TECTA: variants seen among roughly 807,000 people sequenced by gnomAD.
TECTA encodes the protein alpha-tectorin.
TECTA carries 128 observed loss-of-function variants against 216.8 expected under a neutral mutation model. The ratio of observed to expected loss-of-function variants is 0.59; its 90% CI spans 0.51 to 0.68. TECTA has a LOEUF of 0.68. Among genes scored for constraint, TECTA ranks in the 30% least tolerant of loss-of-function variants. The pLI is 0.00. For missense variants in TECTA, 2,551 were observed against 2,786.2 expected, an observed-to-expected ratio of 0.92 and a Z score of 1.90; for synonymous variants, 1,089 against 1,117.1, an observed-to-expected ratio of 0.97 and a Z score of 0.50.
intron 20 of TECTA, among the ~76,000 whole-genome samples, chr11:121,186,689 T>A (rs550329859): frequency 1.5e-4 from 23 of 152,270 alleles, no homozygotes; most frequent in Non-Finnish European, 2.9e-4. Context: ...GCATTTTGCC[T>A]AGAAGGCTAA....
chr11:121,109,339 C>T lies in TECTA; in HGVS notation c.327C>T (p.Gly109=), dbSNP rs727504830. ...CAGATGTGCACAATGGAATTCGAGGCGAGATCTATTACAGAGAGACCATGG... is the reference window on the plus strand; with the variant it reads ...CAGATGTGCACAATGGAATTCGAGGTGAGATCTATTACAGAGAGACCATGG... ...FWADVHNGIR[G]EIYYRETMEP... The change falls in exon 4 of 24, where the codon GGC becomes GGT. Residue 109 remains glycine (G), a synonymous_variant. Transcript: ENST00000392793. 61 of 1,613,988 alleles carry T rather than the reference C, an allele frequency of 3.8e-5. No homozygotes were observed. In the Admixed American group the frequency reaches 7.5e-4, roughly 20 times the overall value.
chr11:121,182,887 C>T lies in TECTA; in HGVS notation c.6000-4945C>T, dbSNP rs146191846. Among the ~76,000 whole-genome samples, 983 of 152,236 alleles carry T rather than the reference C, an allele frequency of 6.5e-3. 12 individuals carry two copies. The highest frequency in any genetic ancestry group is 0.023 in the African/African-American group (936 of 41,536). On this transcript the variant is annotated intron_variant, in intron 20 of 23. Coordinates refer to ENST00000392793, the MANE Select transcript of TECTA (RefSeq NM_005422.4). ...TGGGTGGGGCAGGCCTGTCCTCAGG[C>T]CCCATGACAGCACCTGGTGGGCTGA...
At chr11:121,155,319 T>G (rs1293742017) in intron 13 of TECTA, among the ~76,000 whole-genome samples, 1 of 152,200 alleles carries the variant, frequency 6.6e-6, no homozygotes, top group African/African-American at 2.4e-5. Context: ...AAGTTATTTT[T>G]CTCTTTTCAC....
At chr11:121,119,007 AC>A (rs1462502940) in intron 7 of TECTA, among the ~76,000 whole-genome samples, 2 of 92,846 alleles carry the variant, frequency 2.2e-5, no homozygotes, top group African/African-American at 5.5e-5. Context: ...ACACACACAC[AC>A]ACACACACAC....
chr11:121,113,126 T>C lies in TECTA; in HGVS notation c.541T>C (p.Phe181Leu). The change falls in exon 5 of 24, where the codon TTC becomes CTC. Residue 181 changes from phenylalanine to leucine, a missense_variant. Physicochemically the swap from Phe to Leu is conservative, Grantham distance 22. This residue lies in a region of TECTA where 2,375 missense variants were observed against 2,563.9 expected (regional missense o/e 0.93). Coordinates refer to ENST00000392793, the MANE Select transcript of TECTA (RefSeq NM_005422.4). The surrounding 1 kb of genome is among the most constrained non-coding windows in gnomAD (Gnocchi z 4.2). ...VSDGSYTFTL[F>L]NYYEINWTTG... is the part of the protein sequence containing the mutation. ...CGATGGCTCCTATACATTCACCCTC[T>C]TCAATTATTACGAAATCAACTGGAC... 1 of 1,614,066 alleles carries C rather than the reference T, an allele frequency of 6.2e-7. No homozygotes were observed. Among genetic ancestry groups the C allele is most frequent in the South Asian group, 1.1e-5 (1 of 91,064 alleles).
chr11:121,128,286 G>T lies in TECTA; in HGVS notation c.2309G>T (p.Arg770Leu). The change falls in exon 9 of 24, where the codon CGG becomes CTG. Residue 770 changes from arginine to leucine, a missense_variant. Coordinates refer to ENST00000392793, the MANE Select transcript of TECTA (RefSeq NM_005422.4). The stretch of plus-strand genomic sequence containing the variant: ...GGACCTGCTTGGCTGCGGGGACTTC[G>T]GATCCTGGTGGCCGACCAGGAGGTC... ...DAGPAWLRGL[R>L]ILVADQEVKI... 1 of 1,599,772 alleles carries T rather than the reference G, an allele frequency of 6.3e-7. No homozygotes were observed.
At chr11:121,124,745 A>G (rs1309357839) in intron 7 of TECTA, among the ~76,000 whole-genome samples, 1 of 152,174 alleles carries the variant, frequency 6.6e-6, no homozygotes, top group Non-Finnish European at 1.5e-5. Flanking sequence ...GAATGGTTAC[A>G]TGACGTAGTT....
At position 121,158,188 on chromosome 11, in the gene TECTA, A is replaced by C; in HGVS notation, c.4653A>C (p.Glu1551Asp). Residue 1551 changes from glutamate to aspartate, a missense_variant, in exon 14 of 24, where the codon GAA (glutamate) becomes GAC (aspartate). This residue lies in a region of TECTA where 2,375 missense variants were observed against 2,563.9 expected (regional missense o/e 0.93). Transcript: ENST00000392793. ...CGCCCGTCTACTTCTACATTAACGA[A>C]GAGCAGATTCTCATCAACGACCGGA... ...IISPVYFYIN[E>D]EQILINDRNT... The C allele has an allele frequency of 6.2e-7, 1 of 1,613,890 alleles. No individual in the cohort carries two copies. Among genetic ancestry groups the C allele is most frequent in the Non-Finnish European group, 8.5e-7 (1 of 1,180,024 alleles).
chr11:121,167,431 A>AAAAAC (rs900450689), intron 18 of TECTA, among the ~76,000 whole-genome samples: 18 of 152,320 alleles, frequency 1.2e-4, no homozygotes, highest in Non-Finnish European at 2.4e-4. Flanking sequence ...CCCTGTTGCT[A>AAAAAC]AAAACAAAAC....
intron 10 of TECTA, among the ~76,000 whole-genome samples, chr11:121,134,490 TC>T (rs1423040768): frequency 6.6e-6 from 1 of 152,108 alleles, no homozygotes; most frequent in Non-Finnish European, 1.5e-5. Flanking sequence ...ATGCTGGGAC[TC>T]CAGAGCTACC....
In TECTA at chr11:121,162,069, G is replaced by T; in HGVS notation, c.4977-6G>T. 6.2e-7 allele frequency: 1 copy of T among 1,613,794 alleles called. No individual in the cohort carries two copies. The highest frequency in any genetic ancestry group is 1.1e-5 in the South Asian group (1 of 91,006). On this transcript the variant is annotated splice_polypyrimidine_tract_variant and splice_region_variant and intron_variant, in intron 15 of 23. Transcript: ENST00000392793. ...TGGCTGTTTTTGCTTCACTCAGTCT[G>T]ACCAGACCTCTTGCCCCCAGCTGCA... is the stretch of plus-strand genomic sequence containing the variant.
intron 10 of TECTA, among the ~76,000 whole-genome samples, chr11:121,131,171 GC>G (rs1209974693): frequency 8.3e-6 from 1 of 120,324 alleles, no homozygotes; most frequent in Admixed American, 1.1e-4. Flanking sequence ...CCCAGATCAC[GC>G]CACTGCACTC....
Position 121,118,718 on chromosome 11 carries a change from G to C in TECTA, c.1203G>C (p.Lys401Asn). Residue 401 changes from lysine to asparagine, a missense_variant and splice_region_variant, in exon 7 of 24, where the codon AAG becomes AAC. Transcript: ENST00000392793. ...LIPKGSYGRV[K>N]VNDLVTSLPV... ...CCAAAGGAAGCTATGGAAGAGTCAA[G>C]GTGAGCCCCTTTCTATCCTTCACGG... is the stretch of plus-strand genomic sequence containing the variant. 6.2e-7 allele frequency: 1 copy of C among 1,613,492 alleles called. No individual in the cohort carries two copies. Among genetic ancestry groups the C allele is most frequent in the Non-Finnish European group, 8.5e-7 (1 of 1,180,026 alleles).
At chr11:121,111,371 A>C (rs1044514238) in intron 4 of TECTA, among the ~76,000 whole-genome samples, 5 of 152,100 alleles carry the variant, frequency 3.3e-5, no homozygotes, top group Non-Finnish European at 7.4e-5. Context: ...CAAATCCCAG[A>C]CTCTTCTTTC....
intron 7 of TECTA, among the ~76,000 whole-genome samples, chr11:121,119,287 G>A (rs745881074): frequency 1.3e-5 from 2 of 152,072 alleles, no homozygotes; most frequent in Non-Finnish European, 2.9e-5. Flanking sequence ...CACCTGGATT[G>A]GCTTTGGTGA....
chr11:121,112,137 CAT>C (rs1001789301), intron 4 of TECTA, among the ~76,000 whole-genome samples: 1 of 152,194 alleles, frequency 6.6e-6, no homozygotes, highest in Non-Finnish European at 1.5e-5. Context: ...TTTTTGAAAA[CAT>C]GTGACAAGGG....
At chr11:121,187,300 G>A (rs1279426471) in intron 20 of TECTA, among the ~76,000 whole-genome samples, 1 of 152,132 alleles carries the variant, frequency 6.6e-6, no homozygotes, top group Admixed American at 6.5e-5. Flanking sequence ...AGAAGGAAGG[G>A]GGCTGAGAAA....
At chr11:121,124,267 A>G (rs952275118) in intron 7 of TECTA, among the ~76,000 whole-genome samples, 3 of 152,192 alleles carry the variant, frequency 2.0e-5, no homozygotes, top group African/African-American at 7.2e-5. Flanking sequence ...ATAGAAAGGC[A>G]TAAATGCGTA....
Position 121,137,732 on chromosome 11 carries a change from G to A in TECTA, c.3253G>A (p.Glu1085Lys). The A allele has an allele frequency of 6.2e-7, 1 of 1,614,140 alleles. No individual in the cohort carries two copies. Among genetic ancestry groups the A allele is most frequent in the Non-Finnish European group, 8.5e-7 (1 of 1,180,026 alleles). The change falls in exon 11 of 24, where the codon GAG (glutamate) becomes AAG (lysine). Residue 1085 changes from glutamate (E) to lysine (K), a missense_variant. This residue lies in a region of TECTA where 2,375 missense variants were observed against 2,563.9 expected (regional missense o/e 0.93). Coordinates refer to ENST00000392793, the MANE Select transcript of TECTA (RefSeq NM_005422.4). ...IPCKDDEYCM[E>K]EGGLYYCQAR... ...CTGCAAGGATGATGAGTACTGCATG[G>A]AGGAAGGTGGCCTGTACTACTGCCA...
Sources: allele counts gnomAD v4.1 joint callset (sites outside exome capture counted in the v4.1 genomes callset), GRCh38; gene constraint gnomAD v4.1.1; regional missense constraint gnomAD v4.1.1; non-coding constraint Gnocchi (gnomAD v3.1); transcripts MANE v1.5; gene names NCBI Gene and HGNC (gene_info 2026-07-23, HGNC 2026-07-21).